DEFB119: variants seen among roughly 807,000 people sequenced by gnomAD.
The protein encoded by DEFB119 is beta-defensin 119.
In DEFB119, 3 loss-of-function variants were observed where a neutral mutation model predicts 2.5. That is an observed-to-expected ratio of 1.19 (90% confidence interval 0.54 to 3.07). The LOEUF (loss-of-function observed/expected upper bound fraction) is 3.07, where lower values mean the gene tolerates loss of function less well. Among genes scored for constraint, DEFB119 ranks in the 30% most tolerant of loss-of-function variants. The pLI is 0.03. For synonymous variants in DEFB119, 29 were observed against 33.7 expected (o/e 0.86, Z 0.48); for missense variants, 113 against 101.1 (o/e 1.12, Z -0.50).
chr20:31,386,116 C>T (rs1986694326), intron 1 of DEFB119, among the ~76,000 whole-genome samples: 1 of 150,478 alleles, frequency 6.6e-6, no homozygotes, highest in Admixed American at 6.6e-5. Context: ...CGGGTCACCA[C>T]GTGAGGGCTT....
At chr20:31,388,224 C>A (rs907142652) in intron 1 of DEFB119, 42 of 984,258 alleles carry the variant, frequency 4.3e-5, no homozygotes, top group Non-Finnish European at 4.6e-5. Flanking sequence ...CTTCTGTCTC[C>A]CTCAGACTCT....
intron 1 of DEFB119, chr20:31,388,314 A>AGTGC (rs1449173748): frequency 1.0e-6 from 1 of 985,524 alleles, no homozygotes; most frequent in East Asian, 1.1e-4. Context: ...ACATTTGTTG[A>AGTGC]GTGCTTACCT....
At chr20:31,382,288 TA>T (rs1986531419) in intron 1 of DEFB119, among the ~76,000 whole-genome samples, 1 of 152,186 alleles carries the variant, frequency 6.6e-6, no homozygotes, top group Admixed American at 6.5e-5. Context: ...ATAGAGAGAT[TA>T]AAAAAACAAA....
chr20:31,389,187 A>G, intron 1 of DEFB119: 1 of 1,614,166 alleles, frequency 6.2e-7, no homozygotes, highest in Non-Finnish European at 8.5e-7. Context: ...TGTCTTCACC[A>G]TCTTTGCACA....
At chr20:31,385,115 A>G (rs1189671343) in intron 1 of DEFB119, among the ~76,000 whole-genome samples, 1 of 152,216 alleles carries the variant, frequency 6.6e-6, no homozygotes, top group Non-Finnish European at 1.5e-5. Flanking sequence ...CTGCTAGACA[A>G]GACTATTATT....
At chr20:31,384,454 T>C (rs1600512356) in intron 1 of DEFB119, among the ~76,000 whole-genome samples, 1 of 151,842 alleles carries the variant, frequency 6.6e-6, no homozygotes, top group African/African-American at 2.4e-5. Context: ...AAAACAACTT[T>C]TAAGATAAAA....
chr20:31,384,133 G>T (rs2122301700), intron 1 of DEFB119, among the ~76,000 whole-genome samples: 1 of 152,292 alleles, frequency 6.6e-6, no homozygotes, highest in South Asian at 2.1e-4. Context: ...CCCACTGAGA[G>T]ACTTGATCAC....
intron 1 of DEFB119, among the ~76,000 whole-genome samples, chr20:31,389,575 C>A (rs974353905): frequency 2.4e-4 from 36 of 152,114 alleles, no homozygotes; most frequent in African/African-American, 8.7e-4. Flanking sequence ...AGGACATGAT[C>A]ACCTGTAATA....
At chr20:31,387,096 C>T (rs1029897437) in intron 1 of DEFB119, among the ~76,000 whole-genome samples, 1 of 151,998 alleles carries the variant, frequency 6.6e-6, no homozygotes, top group Non-Finnish European at 1.5e-5. Context: ...GGTGAGCCAC[C>T]GCACCCAGCC....
Position 31,389,134 on chromosome 20 carries a change from C to T in DEFB119, c.61+1289G>A, listed in dbSNP as rs768593636. On this transcript the variant is annotated intron_variant, in intron 1 of 1. Coordinates refer to ENST00000376321, the MANE Select transcript of DEFB119 (RefSeq NM_153289.4). ...TACTGGTTGGATTGTTAAATAACGA[C>T]TAGGAACACAGCACCGTTTACGATT... The T allele has an allele frequency of 2.5e-6, 4 of 1,614,098 alleles. No homozygotes were observed. The South Asian group carries it at 4.4e-5, about 18-fold the overall frequency.
intron 1 of DEFB119, among the ~76,000 whole-genome samples, chr20:31,380,898 A>G (rs558944509): frequency 6.6e-4 from 100 of 152,274 alleles, no homozygotes; most frequent in Admixed American, 1.0e-3. Context: ...TGTTTTAGCT[A>G]TTCTTATTCT....
chr20:31,389,211 T>C (rs1325004044), intron 1 of DEFB119: 6 of 1,613,944 alleles, frequency 3.7e-6, no homozygotes, highest in Non-Finnish European at 5.1e-6. Context: ...ACCGGCAGTG[T>C]CCATCCATCC....
intron 1 of DEFB119, chr20:31,389,313 G>A: frequency 6.3e-7 from 1 of 1,583,914 alleles, no homozygotes; most frequent in Non-Finnish European, 8.6e-7. Context: ...AGGAACAGGA[G>A]GACAGGGAAG....
At chr20:31,389,106 T>C in intron 1 of DEFB119, 1 of 1,614,186 alleles carries the variant, frequency 6.2e-7, no homozygotes, top group Non-Finnish European at 8.5e-7. Flanking sequence ...TTCCATGAAT[T>C]GTTACTGGTT....
chr20:31,385,034 G>C (rs1189234146), intron 1 of DEFB119, among the ~76,000 whole-genome samples: 1 of 152,160 alleles, frequency 6.6e-6, no homozygotes, highest in East Asian at 1.9e-4. Context: ...ACCTTAATCA[G>C]AATGAATGTG....
intron 1 of DEFB119, among the ~76,000 whole-genome samples, chr20:31,379,935 GATT>G (rs1388347411): frequency 1.3e-5 from 2 of 152,160 alleles, no homozygotes; most frequent in Non-Finnish European, 2.9e-5. Flanking sequence ...AAAGTGGTGG[GATT>G]ACAGGCGTGA....
At chr20:31,390,012 A>T (rs1316980572) in intron 1 of DEFB119, among the ~76,000 whole-genome samples, 3 of 151,788 alleles carry the variant, frequency 2.0e-5, no homozygotes, top group Non-Finnish European at 4.4e-5. Context: ...TCTGCCCTAA[A>T]CCATCAGGGA....
chr20:31,388,846 C>G, intron 1 of DEFB119: 1 of 1,126,158 alleles, frequency 8.9e-7, no homozygotes, highest in Non-Finnish European at 1.2e-6. Context: ...CTGTAATGAT[C>G]ACACCATCGC....
chr20:31,390,015 A>T (rs1266263939), intron 1 of DEFB119, among the ~76,000 whole-genome samples: 1 of 151,846 alleles, frequency 6.6e-6, no homozygotes, highest in Admixed American at 6.6e-5. Flanking sequence ...GCCCTAAACC[A>T]TCAGGGAAGC....
Sources: allele counts gnomAD v4.1 joint callset (sites outside exome capture counted in the v4.1 genomes callset), GRCh38; gene constraint gnomAD v4.1.1; transcripts MANE v1.5; gene names NCBI Gene and HGNC (gene_info 2026-07-23, HGNC 2026-07-21).